The following TMEM243 variants were observed in gnomAD, a reference collection of about 807,000 sequenced individuals.
TMEM243 encodes the protein transmembrane protein 243.
A neutral mutation model predicts 15.0 loss-of-function variants in TMEM243; 20 were observed. The observed-to-expected ratio is 1.33, with a 90% CI of 0.94 to 1.93. The LOEUF is 1.93. TMEM243 is among the 30% of genes most tolerant of loss of function. The pLI, the probability that TMEM243 is intolerant of heterozygous loss-of-function variation, is 0.00. For missense variants in TMEM243, 156 were observed against 142.1 expected, an observed-to-expected ratio of 1.10 and a Z score of -0.50; for synonymous variants, 72 against 52.7, an observed-to-expected ratio of 1.37 and a Z score of -1.59.
At chr7:87,219,840 C>T (rs1361787234), upstream of TMEM243, 2 of 350,044 alleles carry the variant, frequency 5.7e-6, no homozygotes, top group Non-Finnish European at 1.1e-5. Flanking sequence ...CTCCGCCCCT[C>T]TGGGCCGCCA....
chr7:87,203,925 TA>T (rs1281515125), intron 1 of TMEM243, among the ~76,000 whole-genome samples: 1 of 152,236 alleles, frequency 6.6e-6, no homozygotes, highest in African/African-American at 2.4e-5. Context: ...GTTAAAATGC[TA>T]CTCCCAATTT....
intron 1 of TMEM243, among the ~76,000 whole-genome samples, chr7:87,213,253 A>T (rs894593480): frequency 6.6e-6 from 1 of 152,206 alleles, no homozygotes; most frequent in Non-Finnish European, 1.5e-5. Flanking sequence ...CAGAGATTAC[A>T]GTCCACTGAT....
At chr7:87,215,407 A>C (rs529159757) in intron 1 of TMEM243, among the ~76,000 whole-genome samples, 9 of 152,214 alleles carry the variant, frequency 5.9e-5, no homozygotes, top group African/African-American at 2.2e-4. Flanking sequence ...CCTAGTTTAA[A>C]ATTTTTTTTT....
intron 1 of TMEM243, chr7:87,218,627 G>A (rs928630020): frequency 3.3e-5 from 5 of 151,228 alleles, no homozygotes; most frequent in Non-Finnish European, 5.9e-5. Context: ...CCAGTCAAGT[G>A]AAGCAGGGAG....
chr7:87,198,120 A>G, intron 2 of TMEM243, 75 bp from the exon 3 acceptor site: 1 of 1,231,884 alleles, frequency 8.1e-7, no homozygotes, highest in Non-Finnish European at 1.2e-6. Flanking sequence ...AGTCTAGGCA[A>G]CAGTACTACA....
chr7:87,199,219 A>G (rs527478920), intron 1 of TMEM243, 162 bp from the exon 2 acceptor site: 12 of 525,730 alleles, frequency 2.3e-5, no homozygotes, highest in African/African-American at 1.4e-4. Context: ...GTACTGAACC[A>G]TAAGAGTGGA....
chr7:87,219,612 G>C lies in TMEM243; in HGVS notation c.-109C>G, dbSNP rs763711313. 2.0e-6 allele frequency: 2 copies of C among 985,450 alleles called. No individual in the cohort carries two copies. The highest frequency in any genetic ancestry group is 3.1e-6 in the Non-Finnish European group (2 of 643,990). The allele number at this position is 985,450 out of a possible 1,614,324, so 61.0% of individuals were successfully genotyped here. ...TCCTCCTCACGGCTCCCGCATAGCC[G>C]AACCCGAGTGGTCGGGGAAGCGCTG... On this transcript the variant is annotated 5_prime_UTR_variant, in exon 1 of 4. Transcript: ENST00000257637.
intron 1 of TMEM243, among the ~76,000 whole-genome samples, chr7:87,211,155 C>G (rs1469178258): frequency 6.6e-6 from 1 of 152,220 alleles, no homozygotes; most frequent in Non-Finnish European, 1.5e-5. Flanking sequence ...ACATTCAGCT[C>G]CTCAACTGCA....
intron 1 of TMEM243, among the ~76,000 whole-genome samples, chr7:87,203,375 G>T (rs1305688003): frequency 6.6e-6 from 1 of 152,168 alleles, no homozygotes; most frequent in East Asian, 1.9e-4. Flanking sequence ...CACTTTGGGA[G>T]GCCAAGGTGG....
intron 2 of TMEM243, chr7:87,198,383 A>G (rs1281006071): frequency 8.9e-6 from 2 of 223,776 alleles, no homozygotes; most frequent in African/African-American, 4.6e-5. Context: ...TTCTAGCAAA[A>G]TGAATATAAT....
Position 87,209,482 on chromosome 7 carries a change from TAGTGAG to T in TMEM243, c.78+9938_78+9943del, listed in dbSNP as rs1389019611. ...AGACAGAGTGAGACAGAGAGTGAGA[TAGTGAG>T]AGAGAGAGAGAGAGAGTGAGAAAGA... On this transcript the variant is annotated intron_variant, in intron 1 of 3. Coordinates refer to ENST00000257637, the MANE Select transcript of TMEM243 (RefSeq NM_024315.4). Among the ~76,000 whole-genome samples the T allele has an allele frequency of 9.7e-3, 1,095 of 112,700 alleles. 8 individuals carry two copies. The highest frequency in any genetic ancestry group is 0.037 in the African/African-American group (1,040 of 28,010). 73.9% of individuals were successfully genotyped at this position (112,700 alleles called of 152,430 possible). A position where few individuals can be genotyped will look rare whatever the true frequency, so the allele number is the denominator to read the frequency against.
intron 1 of TMEM243, among the ~76,000 whole-genome samples, chr7:87,209,662 G>GAA (rs1802521923): frequency 4.6e-5 from 1 of 21,738 alleles, no homozygotes; most frequent in East Asian, 7.7e-3. Context: ...GAGACAGAGC[G>GAA]AGAGAGAGCG....
chr7:87,218,246 T>G (rs1803247003), intron 1 of TMEM243, among the ~76,000 whole-genome samples: 1 of 152,210 alleles, frequency 6.6e-6, no homozygotes, highest in Non-Finnish European at 1.5e-5. Context: ...GGAGGAGGAA[T>G]GCGTCTCAAA....
Position 87,197,930 on chromosome 7 carries a change from A to C in TMEM243, c.234+11T>G. ...CTCAAGAACACTGTTTAAATTCTCA[A>C]CAGTACTTACAAGTATGCAGGCAGT... On this transcript the variant is annotated intron_variant, in intron 3 of 3. Coordinates refer to ENST00000257637, the MANE Select transcript of TMEM243 (RefSeq NM_024315.4). 6.2e-7 allele frequency: 1 copy of C among 1,613,088 alleles called. No individual in the cohort carries two copies. Among genetic ancestry groups the C allele is most frequent in the Non-Finnish European group, 8.5e-7 (1 of 1,179,406 alleles).
chr7:87,213,363 GT>G (rs1802892922), intron 1 of TMEM243, among the ~76,000 whole-genome samples: 3 of 152,238 alleles, frequency 2.0e-5, no homozygotes, highest in African/African-American at 7.2e-5. Flanking sequence ...AGGCAAAGTT[GT>G]TTTGGCAGGC....
At chr7:87,203,961 C>T (rs1343551464) in intron 1 of TMEM243, among the ~76,000 whole-genome samples, 2 of 152,150 alleles carry the variant, frequency 1.3e-5, no homozygotes, top group Admixed American at 1.3e-4. Flanking sequence ...TATTAGTTTC[C>T]ACACTGCTGA....
At chr7:87,206,666 G>A (rs1802241594) in intron 1 of TMEM243, among the ~76,000 whole-genome samples, 1 of 152,220 alleles carries the variant, frequency 6.6e-6, no homozygotes, top group African/African-American at 2.4e-5. Context: ...ACAGTGCACA[G>A]TTTAAAACTT....
intron 1 of TMEM243, chr7:87,216,762 T>C (rs1255186261): frequency 6.6e-6 from 1 of 152,174 alleles, no homozygotes; most frequent in Non-Finnish European, 1.5e-5. Flanking sequence ...GGCAAACCAC[T>C]TCAACCCCTA....
At chr7:87,214,969 C>T (rs1803001111) in intron 1 of TMEM243, among the ~76,000 whole-genome samples, 1 of 151,958 alleles carries the variant, frequency 6.6e-6, no homozygotes, top group South Asian at 2.1e-4. Context: ...GAAATTCCCA[C>T]TTGTAGCATC....
Sources: allele counts gnomAD v4.1 joint callset (sites outside exome capture counted in the v4.1 genomes callset), GRCh38; gene constraint gnomAD v4.1.1; transcripts MANE v1.5; gene names NCBI Gene and HGNC (gene_info 2026-07-23, HGNC 2026-07-21).